Variants in PRKCA observed in about 807,000 individuals in gnomAD.
PRKCA encodes the protein protein kinase C alpha type.
In PRKCA, 27 loss-of-function variants were observed where a neutral mutation model predicts 87.0. That is an observed-to-expected ratio of 0.31 (90% CI 0.23 to 0.43). The LOEUF (loss-of-function observed/expected upper bound fraction) is 0.43. Among genes scored for constraint, PRKCA ranks in the 20% least tolerant of loss-of-function variants. The probability of loss-of-function intolerance (pLI) is 1.00; values close to 1 mark genes in which losing one functional copy is unlikely to be tolerated. For missense variants in PRKCA, 518 were observed against 852.3 expected (o/e 0.61, Z 4.88); for synonymous variants, 329 against 311.1 (o/e 1.06, Z -0.61).
intron 2 of PRKCA, among the ~76,000 whole-genome samples, chr17:66,330,365 C>T (rs1906256716): frequency 6.6e-6 from 1 of 152,140 alleles, no homozygotes; most frequent in African/African-American, 2.4e-5. Flanking sequence ...CCTCTGCCTC[C>T]CAAAGTGCTG....
chr17:66,680,466 G>T (rs564864064), intron 5 of PRKCA, among the ~76,000 whole-genome samples: 30 of 152,220 alleles, frequency 2.0e-4, no homozygotes, highest in African/African-American at 6.5e-4. Context: ...TAGAGGGGGG[G>T]AGAAAAAGTA....
intron 3 of PRKCA, among the ~76,000 whole-genome samples, chr17:66,562,061 T>TATATATAATTAAATTATATATATAATTAA: frequency 8.6e-6 from 1 of 115,988 alleles, no homozygotes; most frequent in Non-Finnish European, 1.9e-5. Context: ...TATAATTAAA[T>TATATATAATTAAATTATATATATAATTAA]ATATATAATT....
At chr17:66,398,990 C>T (rs1046904634) in intron 2 of PRKCA, among the ~76,000 whole-genome samples, 1 of 151,902 alleles carries the variant, frequency 6.6e-6, no homozygotes, top group East Asian at 1.9e-4. Flanking sequence ...GATTAAGATC[C>T]AATTTAGAGA....
intron 2 of PRKCA, among the ~76,000 whole-genome samples, chr17:66,339,595 A>G (rs766054738): frequency 9.2e-5 from 14 of 152,186 alleles, no homozygotes; most frequent in Non-Finnish European, 1.6e-4. Flanking sequence ...GATCCTTAAT[A>G]TTGTTCTTTC....
chr17:66,485,983 G>A (rs1915972836), intron 2 of PRKCA, among the ~76,000 whole-genome samples: 1 of 152,160 alleles, frequency 6.6e-6, no homozygotes, highest in Non-Finnish European at 1.5e-5. Flanking sequence ...GAGGAAACCT[G>A]ACATGCACAC....
chr17:66,422,442 A>G lies in PRKCA; in HGVS notation c.206-73759A>G, dbSNP rs537914304. On this transcript the variant is annotated intron_variant, in intron 2 of 16. Coordinates refer to ENST00000413366, the MANE Select transcript of PRKCA (RefSeq NM_002737.3). The stretch of plus-strand genomic sequence containing the variant: ...ACCTAGAGCATAGCGTAAGCCCTCA[A>G]TAAATATAGGTTGGATATTATTGGA... Among the ~76,000 whole-genome samples, 11 of 152,340 alleles carry G rather than the reference A, an allele frequency of 7.2e-5. 1 individual carries two copies. The South Asian group carries it at 2.3e-3, about 32-fold the overall frequency.
chr17:66,419,119 G>A (rs563861220), intron 2 of PRKCA, among the ~76,000 whole-genome samples: 1 of 152,084 alleles, frequency 6.6e-6, no homozygotes, highest in South Asian at 2.1e-4. Flanking sequence ...CATATCTTGC[G>A]TATATACATG....
At chr17:66,369,026 C>G (rs751059358) in intron 2 of PRKCA, among the ~76,000 whole-genome samples, 2 of 152,174 alleles carry the variant, frequency 1.3e-5, no homozygotes, top group African/African-American at 4.8e-5. Flanking sequence ...AATATTCCAT[C>G]GGTCCTTTTC....
At chr17:66,325,006 G>T (rs1905892727) in intron 2 of PRKCA, among the ~76,000 whole-genome samples, 1 of 152,174 alleles carries the variant, frequency 6.6e-6, no homozygotes, top group African/African-American at 2.4e-5. Context: ...ATCCTTGGAA[G>T]CTCTAAATTA....
intron 3 of PRKCA, among the ~76,000 whole-genome samples, chr17:66,573,225 G>A (rs1179943154): frequency 6.6e-6 from 1 of 152,150 alleles, no homozygotes; most frequent in Non-Finnish European, 1.5e-5. Flanking sequence ...TGGATAAAAG[G>A]ACCTTGTAAT....
At chr17:66,506,771 G>T (rs553883373) in intron 3 of PRKCA, among the ~76,000 whole-genome samples, 1 of 152,306 alleles carries the variant, frequency 6.6e-6, no homozygotes, top group South Asian at 2.1e-4. Flanking sequence ...AGAAGTAGTG[G>T]GTGAGGCAAT....
At chr17:66,765,454 A>ATATCTATATATATC (rs1218360664) in intron 13 of PRKCA, among the ~76,000 whole-genome samples, 1 of 130,090 alleles carries the variant, frequency 7.7e-6, no homozygotes, top group African/African-American at 2.9e-5. Flanking sequence ...ATATATATAT[A>ATATCTATATATATC]TCCATATATA....
chr17:66,678,198 G>C (rs1224935641), intron 5 of PRKCA, among the ~76,000 whole-genome samples: 1 of 152,170 alleles, frequency 6.6e-6, no homozygotes, highest in South Asian at 2.1e-4. Context: ...AGAGAAGAAG[G>C]TGATGTGGCC....
chr17:66,714,840 C>T (rs1029176693), intron 8 of PRKCA, among the ~76,000 whole-genome samples: 1 of 152,224 alleles, frequency 6.6e-6, no homozygotes, highest in African/African-American at 2.4e-5. Flanking sequence ...CTGCCTGACA[C>T]AGAGGGCCCA....
intron 2 of PRKCA, among the ~76,000 whole-genome samples, chr17:66,459,516 A>G (rs1914743487): frequency 6.6e-6 from 1 of 152,234 alleles, no homozygotes; most frequent in South Asian, 2.1e-4. Flanking sequence ...AGTTTTGTAA[A>G]TGTGGGGCAA....
intron 5 of PRKCA, among the ~76,000 whole-genome samples, chr17:66,676,151 C>T (rs1417119923): frequency 6.6e-6 from 1 of 152,094 alleles, no homozygotes; most frequent in African/African-American, 2.4e-5. Flanking sequence ...AGTTCTCCCT[C>T]GCAGCATCGT....
chr17:66,435,301 A>G (rs999520127), intron 2 of PRKCA, among the ~76,000 whole-genome samples: 3 of 152,206 alleles, frequency 2.0e-5, no homozygotes, highest in Admixed American at 2.0e-4. Context: ...CCAACTAACT[A>G]GCACAGTTTG....
intron 13 of PRKCA, among the ~76,000 whole-genome samples, chr17:66,770,811 AC>A (rs917290172): frequency 2.0e-5 from 3 of 152,170 alleles, no homozygotes; most frequent in African/African-American, 7.2e-5. Context: ...CAGCCAGTAG[AC>A]CTAGGTCTCT....
At chr17:66,387,351 C>G (rs1910119626) in intron 2 of PRKCA, among the ~76,000 whole-genome samples, 1 of 152,174 alleles carries the variant, frequency 6.6e-6, no homozygotes, top group Non-Finnish European at 1.5e-5. Context: ...CAGATCACCT[C>G]TAACACCTGG....
Sources: allele counts gnomAD v4.1 joint callset (sites outside exome capture counted in the v4.1 genomes callset), GRCh38; gene constraint gnomAD v4.1.1; transcripts MANE v1.5; gene names NCBI Gene and HGNC (gene_info 2026-07-23, HGNC 2026-07-21).